Variants in FBN2 observed in about 807,000 individuals in gnomAD.
FBN2 encodes the protein fibrillin-2.
Under a neutral mutation model 355.6 loss-of-function variants are expected in FBN2, and 105 were observed. The observed-to-expected ratio is 0.30, with a 90% CI of 0.25 to 0.35. The LOEUF (loss-of-function observed/expected upper bound fraction) is 0.35. FBN2 is among the 10% of genes least tolerant of loss of function. FBN2 has a pLI of 1.00. For missense variants in FBN2, 3,280 were observed against 3,758.7 expected, an observed-to-expected ratio of 0.87 and a Z score of 3.33; for synonymous variants, 1,350 against 1,301.2, an observed-to-expected ratio of 1.04 and a Z score of -0.81.
intron 48 of FBN2, 96 bp from the exon 49 acceptor site, chr5:128,291,750 C>A: frequency 8.9e-7 from 1 of 1,122,416 alleles, no homozygotes; most frequent in Non-Finnish European, 1.4e-6. Flanking sequence ...ATATTTCAGA[C>A]AAGAGATATT....
chr5:128,334,642 A>C, intron 31 of FBN2, 77 bp downstream of exon 31: 4 of 1,498,804 alleles, frequency 2.7e-6, no homozygotes, highest in South Asian at 1.1e-5. Context: ...AAGAGATGCC[A>C]GAGAACAAAT....
chr5:128,444,337 G>C (rs964288877), intron 7 of FBN2, among the ~76,000 whole-genome samples: 1 of 152,070 alleles, frequency 6.6e-6, no homozygotes, highest in Non-Finnish European at 1.5e-5. Flanking sequence ...CTCCCAAAGT[G>C]CTGGGATTAC....
rs1754086911 is a variant in FBN2 at position 128,447,128 on chromosome 5, G to A, written c.827-522C>T. Among the ~76,000 whole-genome samples the A allele has an allele frequency of 2.0e-5, 3 of 152,108 alleles. No individual in the cohort carries two copies. In the South Asian group the frequency reaches 6.2e-4, roughly 31 times the overall value. On this transcript the variant is annotated intron_variant, in intron 6 of 64. Transcript: ENST00000262464. ...TAAGCTGAGGATGTAGGTCGCCTCA[G>A]GACCCTGTGATGATTGCGTTAACGG...
At chr5:128,485,828 T>C (rs1473007080) in intron 5 of FBN2, among the ~76,000 whole-genome samples, 1 of 152,164 alleles carries the variant, frequency 6.6e-6, no homozygotes, top group Non-Finnish European at 1.5e-5. Context: ...TTTATTCAAT[T>C]TGAGTGGTAG....
chr5:128,436,548 T>C (rs1218645520), intron 7 of FBN2, among the ~76,000 whole-genome samples: 1 of 151,954 alleles, frequency 6.6e-6, no homozygotes, highest in African/African-American at 2.4e-5. Flanking sequence ...TACAAGTAAT[T>C]GTCTATTTTA....
In FBN2 at chr5:128,395,247, C is replaced by A; in HGVS notation, c.1106G>T (p.Gly369Val). The A allele has an allele frequency of 6.2e-7, 1 of 1,614,052 alleles. No homozygotes were observed. The highest frequency in any genetic ancestry group is 8.5e-7 in the Non-Finnish European group (1 of 1,180,004). The stretch of plus-strand genomic sequence containing the variant: ...TTGTGCACAGCGGCCATTCACCAGG[C>A]CCGAGAAACACATGCCTGTTCTCTG... ...IDQRTGMCFS[G>V]LVNGRCAQEL... Residue 369 changes from glycine to valine, a missense_variant, in exon 9 of 65, where the codon GGC (glycine) becomes GTC (valine). Physicochemically the swap from Gly to Val is moderately radical, Grantham distance 109. Coordinates refer to ENST00000262464, the MANE Select transcript of FBN2 (RefSeq NM_001999.4).
chr5:128,498,778 T>C (rs1284277590), intron 5 of FBN2, among the ~76,000 whole-genome samples: 1 of 152,206 alleles, frequency 6.6e-6, no homozygotes, highest in Non-Finnish European at 1.5e-5. Flanking sequence ...TACATTCCTT[T>C]ATATATTTCA....
intron 5 of FBN2, among the ~76,000 whole-genome samples, chr5:128,512,451 T>A (rs1473844747): frequency 7.1e-6 from 1 of 141,748 alleles, no homozygotes; most frequent in Non-Finnish European, 1.5e-5. Context: ...AGGCGGAGAT[T>A]GCAGTGAGCC....
Position 128,339,001 on chromosome 5 carries a change from G to A in FBN2, c.3404C>T (p.Pro1135Leu), listed in dbSNP as rs772041342. 46 of 1,613,714 alleles carry A rather than the reference G, an allele frequency of 2.9e-5. No individual in the cohort carries two copies. Among genetic ancestry groups the A allele is most frequent in the African/African-American group, 5.3e-5 (4 of 74,892 alleles). The change falls in exon 26 of 65, where the codon CCG (proline) becomes CTG (leucine). Residue 1135 changes from proline (P) to leucine (L), a missense_variant. By Grantham distance (98) the Pro-to-Leu change is moderately conservative (BLOSUM62 -3). Transcript: ENST00000262464. The part of the protein sequence containing the change: ...LCGSGICVNT[P>L]GSFECECFEG... The stretch of plus-strand genomic sequence containing the variant: ...GAAGCACTCGCACTCAAAGCTGCCC[G>A]GTGTATTGACGCAGATTCCACTGCC...
intron 5 of FBN2, among the ~76,000 whole-genome samples, chr5:128,476,721 A>G (rs1755014031): frequency 6.6e-6 from 1 of 152,006 alleles, no homozygotes; most frequent in Non-Finnish European, 1.5e-5. Flanking sequence ...AGACAGGTTT[A>G]CAGCTTTGTA....
intron 6 of FBN2, among the ~76,000 whole-genome samples, chr5:128,448,843 C>G (rs1301612779): frequency 6.6e-6 from 1 of 152,054 alleles, no homozygotes; most frequent in South Asian, 2.1e-4. Context: ...AATTGTCGTC[C>G]TCTTACTCTA....
intron 41 of FBN2, 129 bp from the exon 42 acceptor site, chr5:128,307,332 T>C: frequency 1.4e-6 from 1 of 697,118 alleles, no homozygotes; most frequent in South Asian, 1.6e-5. Context: ...TTCAATTATA[T>C]TTATTTGATA....
At chr5:128,311,577 T>C in intron 38 of FBN2, 152 bp from the exon 39 acceptor site, 3 of 830,636 alleles carry the variant, frequency 3.6e-6, no homozygotes, top group Non-Finnish European at 5.9e-6. Context: ...TCTGCTCAAA[T>C]ATCTTCTTGG....
chr5:128,374,803 T>C, intron 14 of FBN2, 53 bp from the exon 15 acceptor site: 2 of 1,603,496 alleles, frequency 1.2e-6, no homozygotes, highest in Admixed American at 1.7e-5. Flanking sequence ...TTAACGTTAT[T>C]ACAGGGTTTA....
intron 8 of FBN2, among the ~76,000 whole-genome samples, chr5:128,407,503 C>G (rs902992730): frequency 1.3e-5 from 2 of 152,120 alleles, no homozygotes; most frequent in African/African-American, 2.4e-5. Flanking sequence ...AGTGGAGAAG[C>G]CCAGTGCCTT....
At chr5:128,288,244 G>A (rs1430495876) in intron 53 of FBN2, among the ~76,000 whole-genome samples, 194 bp downstream of exon 53, 1 of 151,970 alleles carries the variant, frequency 6.6e-6, no homozygotes, top group Non-Finnish European at 1.5e-5. Context: ...ATCAGACAAG[G>A]GCTTTACAGC....
intron 48 of FBN2, among the ~76,000 whole-genome samples, chr5:128,296,011 A>G: frequency 6.6e-6 from 1 of 151,948 alleles, no homozygotes; most frequent in Non-Finnish European, 1.5e-5. Context: ...GATACGTCCC[A>G]TCAATACCTA....
chr5:128,306,980 T>G (rs1344366944), intron 42 of FBN2, among the ~76,000 whole-genome samples, 155 bp downstream of exon 42: 1 of 152,162 alleles, frequency 6.6e-6, no homozygotes, highest in Non-Finnish European at 1.5e-5. Context: ...TTGGTTAGAG[T>G]CTGTAAGCCT....
At chr5:128,290,993 G>T in intron 49 of FBN2, 109 bp from the exon 50 acceptor site, 1 of 1,037,954 alleles carries the variant, frequency 9.6e-7, no homozygotes, top group South Asian at 1.4e-5. Flanking sequence ...AGTTAAGGCA[G>T]GTCTGGAAAT....
Sources: allele counts gnomAD v4.1 joint callset (sites outside exome capture counted in the v4.1 genomes callset), GRCh38; gene constraint gnomAD v4.1.1; transcripts MANE v1.5; gene names NCBI Gene and HGNC (gene_info 2026-07-23, HGNC 2026-07-21).